The following DOCK9 variants were observed in gnomAD, a reference collection of about 807,000 sequenced individuals.
The protein encoded by DOCK9 is dedicator of cytokinesis 9.
A neutral mutation model predicts 263.3 loss-of-function variants in DOCK9; 89 were observed. That is an observed-to-expected ratio of 0.34 (90% confidence interval 0.28 to 0.40). DOCK9 has a LOEUF of 0.40. Ranked by LOEUF, DOCK9 falls within the 10% of genes least tolerant of loss-of-function variation. The probability of loss-of-function intolerance (pLI) is 1.00; values close to 1 mark genes in which losing one functional copy is unlikely to be tolerated. For missense variants in DOCK9, 2,140 were observed against 2,603.4 expected, an observed-to-expected ratio of 0.82 and a Z score of 3.87; for synonymous variants, 976 against 973.1, an observed-to-expected ratio of 1.00 and a Z score of -0.06.
chr13:99,079,810 T>G (rs930351364), intron 1 of DOCK9, among the ~76,000 whole-genome samples: 1 of 152,008 alleles, frequency 6.6e-6, no homozygotes. Flanking sequence ...GATGCCGAAG[T>G]GGGTGAATCA....
chr13:99,088,291 T>G (rs1286051067), upstream of DOCK9: 1 of 152,282 alleles, frequency 6.6e-6, no homozygotes, highest in Non-Finnish European at 1.5e-5. Flanking sequence ...TCCAGACCTC[T>G]TCTGTCCTAA....
At chr13:98,967,561 T>G (rs983003794) in intron 1 of DOCK9, among the ~76,000 whole-genome samples, 3 of 152,208 alleles carry the variant, frequency 2.0e-5, no homozygotes, top group African/African-American at 7.2e-5. Flanking sequence ...ATGATGGTAT[T>G]TCAGATTTCT....
chr13:98,965,179 G>T (rs1417323123), intron 1 of DOCK9, among the ~76,000 whole-genome samples: 1 of 152,086 alleles, frequency 6.6e-6, no homozygotes, highest in Non-Finnish European at 1.5e-5. Context: ...CAGGAGGAGG[G>T]GTGGAGAGAC....
chr13:98,822,964 A>C (rs985904056), intron 45 of DOCK9, among the ~76,000 whole-genome samples: 20 of 152,188 alleles, frequency 1.3e-4, no homozygotes, highest in African/African-American at 4.6e-4. Context: ...GATTTTAAGA[A>C]TTATTGAGGA....
chr13:98,824,792 A>C (rs888681638), intron 44 of DOCK9, among the ~76,000 whole-genome samples: 8 of 152,194 alleles, frequency 5.3e-5, no homozygotes, highest in Non-Finnish European at 1.0e-4. Context: ...AATAGGTATT[A>C]AATCAAAGTA....
intron 41 of DOCK9, 67 bp downstream of exon 41, chr13:98,831,281 C>CA (rs2030234565): frequency 6.7e-7 from 1 of 1,486,674 alleles, no homozygotes; most frequent in Non-Finnish European, 9.0e-7. Context: ...ATGTGATACT[C>CA]AAAGTTTTCC....
rs573598204 is a variant in DOCK9, at chr13:99,030,016, C to A, written c.129+56207G>T. ...AGCACAGATACATCTCAAAAGGGAC[C>A]AGATGCAAAGGCTACCTACTGAGTG... On this transcript the variant is annotated intron_variant, in intron 1 of 32. Coordinates refer to the DOCK9 transcript ENST00000427887. Among the ~76,000 whole-genome samples the A allele has an allele frequency of 2.0e-5, 3 of 152,290 alleles. No individual in the cohort carries two copies. The East Asian group carries it at 5.8e-4, about 29-fold the overall frequency.
intron 1 of DOCK9, chr13:99,086,138 G>T: frequency 1.4e-6 from 2 of 1,384,676 alleles, no homozygotes; most frequent in Non-Finnish European, 9.3e-7. Flanking sequence ...CCTCAGCCCT[G>T]CCGACTAAGA....
chr13:98,953,611 G>C lies in DOCK9; in HGVS notation c.243+1824C>G, dbSNP rs114644727. The stretch of plus-strand genomic sequence containing the variant: ...AAGAAGAACACATACTTCATGTTGA[G>C]AGAAATTTGAGATAACCTTTAGCTT... On this transcript the variant is annotated intron_variant, in intron 2 of 52. Coordinates refer to ENST00000682017, the MANE Select transcript of DOCK9 (RefSeq NM_001366683.2). Among the ~76,000 whole-genome samples, 477 of 152,310 alleles carry C rather than the reference G, an allele frequency of 3.1e-3. 3 individuals are homozygous for C. Among genetic ancestry groups the C allele is most frequent in the African/African-American group, 0.011 (462 of 41,566 alleles).
intron 49 of DOCK9, among the ~76,000 whole-genome samples, chr13:98,804,187 G>A (rs1347075856): frequency 6.6e-6 from 1 of 152,142 alleles, no homozygotes; most frequent in Admixed American, 6.5e-5. Context: ...GAAGACGTGT[G>A]GTGAAAGCTG....
intron 52 of DOCK9, 119 bp downstream of exon 52, chr13:98,796,996 T>G: frequency 9.3e-7 from 1 of 1,075,920 alleles, no homozygotes; most frequent in South Asian, 1.5e-5. Context: ...TGTGGTATGC[T>G]ACATTCTCCT....
At chr13:98,892,807 G>C (rs955937799) in intron 15 of DOCK9, among the ~76,000 whole-genome samples, 4 of 152,290 alleles carry the variant, frequency 2.6e-5, no homozygotes, top group African/African-American at 9.6e-5. Context: ...CACGGGATGA[G>C]ATCAGTATTC....
At chr13:98,923,214 G>C (rs552075092) in intron 5 of DOCK9, 88 bp downstream of exon 5, 6 of 1,316,538 alleles carry the variant, frequency 4.6e-6, no homozygotes, top group Non-Finnish European at 6.5e-6. Context: ...GCTAAATGTC[G>C]GTAATTTTCT....
At chr13:98,795,794 T>G (rs1359755878) in intron 52 of DOCK9, among the ~76,000 whole-genome samples, 1 of 151,432 alleles carries the variant, frequency 6.6e-6, no homozygotes, top group African/African-American at 2.4e-5. Context: ...AGTCTCGCTC[T>G]GTGGCCCAGG....
intron 1 of DOCK9, among the ~76,000 whole-genome samples, chr13:99,083,853 G>T (rs1274480226): frequency 6.6e-6 from 1 of 152,208 alleles, no homozygotes; most frequent in East Asian, 1.9e-4. Flanking sequence ...TACTTGAAGT[G>T]TGGGAAGAGC....
At chr13:98,870,688 A>G (rs752528905) in intron 27 of DOCK9, among the ~76,000 whole-genome samples, 13 of 152,156 alleles carry the variant, frequency 8.5e-5, no homozygotes, top group Non-Finnish European at 1.9e-4. Context: ...ATGCCTCCTG[A>G]TGTGATGCAA....
At chr13:98,889,214 G>T (rs912580558) in intron 15 of DOCK9, among the ~76,000 whole-genome samples, 2 of 152,152 alleles carry the variant, frequency 1.3e-5, no homozygotes, top group African/African-American at 4.8e-5. Context: ...GCAGTAGAAT[G>T]ATACAATGAA....
At chr13:98,937,034 A>G (rs974795259) in intron 2 of DOCK9, among the ~76,000 whole-genome samples, 8 of 152,074 alleles carry the variant, frequency 5.3e-5, no homozygotes, top group African/African-American at 1.2e-4. Flanking sequence ...TCTATCAGTT[A>G]AAATCATATT....
At chr13:99,004,271 C>G (rs943689997) in intron 1 of DOCK9, among the ~76,000 whole-genome samples, 1 of 152,140 alleles carries the variant, frequency 6.6e-6, no homozygotes, top group African/African-American at 2.4e-5. Context: ...GGCAAACATC[C>G]AATGGATGTC....
Sources: allele counts gnomAD v4.1 joint callset (sites outside exome capture counted in the v4.1 genomes callset), GRCh38; gene constraint gnomAD v4.1.1; transcripts MANE v1.5; gene names NCBI Gene and HGNC (gene_info 2026-07-23, HGNC 2026-07-21).